DERA: variants seen among roughly 807,000 people sequenced by gnomAD.
The protein encoded by DERA is 2-deoxy-D-ribose 5-phosphate aldolase.
In DERA, 15 loss-of-function variants were observed where a neutral mutation model predicts 41.1. That is an observed-to-expected ratio of 0.37 (90% CI 0.24 to 0.56). The LOEUF (loss-of-function observed/expected upper bound fraction) is 0.56, where lower values mean the gene tolerates loss of function less well. DERA is among the 20% of genes least tolerant of loss of function. The pLI is 0.81. For synonymous variants in DERA, 139 were observed against 137.4 expected, an observed-to-expected ratio of 1.01 and a Z score of -0.08; for missense variants, 396 against 403.4, an observed-to-expected ratio of 0.98 and a Z score of 0.16.
intron 6 of DERA, among the ~76,000 whole-genome samples, chr12:16,022,536 C>T (rs1211137196): frequency 6.6e-6 from 1 of 152,140 alleles, no homozygotes; most frequent in African/African-American, 2.4e-5. Context: ...ACAATAAAGG[C>T]TTGGCTTGAT....
At position 15,996,120 on chromosome 12, in the gene DERA, A is replaced by G. The variant is rs1031323668; in HGVS notation, c.637+13684A>G. ...AATGTGATTCTATGCAGAAGAGAAA[A>G]TTATTTCATATGCAGACACAGACAC... On this transcript the variant is annotated intron_variant, in intron 6 of 8. Coordinates refer to ENST00000428559, the MANE Select transcript of DERA (RefSeq NM_015954.4). The surrounding 1 kb of genome is among the most constrained non-coding windows in gnomAD (Gnocchi z 4.7). Among the ~76,000 whole-genome samples, 1 of 151,212 alleles carries G rather than the reference A, an allele frequency of 6.6e-6. No individual in the cohort carries two copies. The highest frequency in any genetic ancestry group is 2.4e-5 in the African/African-American group (1 of 41,100).
rs112056048 is a variant in DERA, at chr12:15,994,614, T to C, written c.637+12178T>C. ...GACTACAGGCGCCTGCAACCACGCC[T>C]GGCTAATTTTTTGTATTTTTAGTAG... On this transcript the variant is annotated intron_variant, in intron 6 of 8. Transcript: ENST00000428559. The surrounding 1 kb of genome is among the most constrained non-coding windows in gnomAD (Gnocchi z 4.8). Among the ~76,000 whole-genome samples the C allele has an allele frequency of 0.13, 19,256 of 152,136 alleles. 1,742 individuals carry two copies. The highest frequency in any genetic ancestry group is 0.25 in the African/African-American group (10,520 of 41,464).
Position 16,011,308 on chromosome 12 carries a change from A to T in DERA, c.638-21234A>T, listed in dbSNP as rs1414496030. Among the ~76,000 whole-genome samples the T allele has an allele frequency of 1.3e-5, 2 of 152,184 alleles. No homozygotes were observed. The highest frequency in any genetic ancestry group is 1.3e-4 in the Admixed American group (2 of 15,268). ...TACCAAATCATATTTTACAGGTTGAATATCCCTTATCTTAAATGCTTGGAA... is the reference window on the plus strand; with the variant it reads ...TACCAAATCATATTTTACAGGTTGATTATCCCTTATCTTAAATGCTTGGAA... On this transcript the variant is annotated intron_variant, in intron 6 of 8. Coordinates refer to ENST00000428559, the MANE Select transcript of DERA (RefSeq NM_015954.4). This position sits in a 1 kb window ranked among gnomAD's most constrained non-coding sequence, Gnocchi z 4.7.
chr12:16,030,083 C>T (rs1031597271), intron 6 of DERA, among the ~76,000 whole-genome samples: 13 of 100,650 alleles, frequency 1.3e-4, no homozygotes, highest in South Asian at 5.1e-4. Flanking sequence ...CCACCATGCC[C>T]GGCTAATTTT....
intron 5 of DERA, among the ~76,000 whole-genome samples, chr12:15,977,872 CGT>C (rs1948709130): frequency 6.6e-6 from 1 of 152,144 alleles, no homozygotes; most frequent in Admixed American, 6.5e-5. Flanking sequence ...GCTTTGAAAA[CGT>C]AGGGGATTTC....
chr12:16,031,674 C>T (rs367996677), intron 6 of DERA, among the ~76,000 whole-genome samples: 9 of 152,222 alleles, frequency 5.9e-5, no homozygotes, highest in East Asian at 1.9e-4. Flanking sequence ...TTATTGGAGA[C>T]GCTGTGATGT....
At chr12:15,937,063 C>T (rs1249658463) in intron 1 of DERA, among the ~76,000 whole-genome samples, 1 of 152,088 alleles carries the variant, frequency 6.6e-6, no homozygotes, top group Non-Finnish European at 1.5e-5. Flanking sequence ...GCCTCAAGCT[C>T]CTGGGCTCAG....
chr12:15,920,416 C>T (rs980693518), intron 1 of DERA, among the ~76,000 whole-genome samples: 5 of 152,172 alleles, frequency 3.3e-5, no homozygotes, highest in Non-Finnish European at 5.9e-5. Context: ...TAGTCTAGCA[C>T]GTTGCGTTAC....
At chr12:15,978,546 G>T (rs953972694) in intron 5 of DERA, among the ~76,000 whole-genome samples, 4 of 152,116 alleles carry the variant, frequency 2.6e-5, no homozygotes, top group Non-Finnish European at 5.9e-5. Context: ...TAGAGAAATC[G>T]AATAATTCCT....
chr12:15,946,783 G>A (rs992682970), intron 1 of DERA, among the ~76,000 whole-genome samples: 16 of 152,076 alleles, frequency 1.1e-4, no homozygotes, highest in Non-Finnish European at 1.3e-4. Context: ...AAATGTGTTC[G>A]CTCTTGCTTC....
At chr12:15,948,051 A>G (rs996044223) in intron 1 of DERA, among the ~76,000 whole-genome samples, 2 of 152,242 alleles carry the variant, frequency 1.3e-5, no homozygotes, top group African/African-American at 4.8e-5. Flanking sequence ...TCAGGCTTGT[A>G]GAGTTTCTGC....
In DERA at chr12:15,959,756, A is replaced by G. The variant is rs1948568691; in HGVS notation, c.278-73A>G. ...TTGATTTTTGCCAGTGTTGCGATAT[A>G]AATAATAATTAAAAGCATGTTGTAT... On this transcript the variant is annotated intron_variant, in intron 3 of 8. Transcript: ENST00000428559. The surrounding 1 kb of genome is among the most constrained non-coding windows in gnomAD (Gnocchi z 4.5). 7 of 1,032,668 alleles carry G rather than the reference A, an allele frequency of 6.8e-6. No homozygotes were observed. Among genetic ancestry groups the G allele is most frequent in the African/African-American group, 3.2e-5 (2 of 62,836 alleles). 64.0% of individuals were successfully genotyped at this position (1,032,668 alleles called of 1,614,324 possible).
At chr12:15,942,936 A>C (rs994658977) in intron 1 of DERA, among the ~76,000 whole-genome samples, 1 of 152,240 alleles carries the variant, frequency 6.6e-6, no homozygotes, top group Non-Finnish European at 1.5e-5. Context: ...GTCTTGGGCA[A>C]CCCAGGATGA....
chr12:16,034,510 T>G (rs1293100372), intron 7 of DERA, among the ~76,000 whole-genome samples: 3 of 152,242 alleles, frequency 2.0e-5, no homozygotes, highest in Non-Finnish European at 4.4e-5. Context: ...TGTATTCATT[T>G]AATCATATTC....
intron 5 of DERA, among the ~76,000 whole-genome samples, chr12:15,974,603 G>T (rs897233683): frequency 4.6e-5 from 7 of 152,140 alleles, no homozygotes; most frequent in Middle Eastern, 6.8e-3. Flanking sequence ...TGGCAAAGAT[G>T]GTTTCTGCCA....
rs1034833948 is a variant in DERA at position 15,943,505 on chromosome 12, GA to G, written c.32-13425del. On this transcript the variant is annotated intron_variant, in intron 1 of 8. Transcript: ENST00000428559. This position sits in a 1 kb window ranked among gnomAD's most constrained non-coding sequence, Gnocchi z 4.5. ...TCACATGGGAAAACCTTTCTGTGCT[GA>G]AAAAAGTTCTCCTTAAGGACCTTTT... Among the ~76,000 whole-genome samples the G allele has an allele frequency of 2.6e-4, 40 of 151,958 alleles. No homozygotes were observed. Among genetic ancestry groups the G allele is most frequent in the Non-Finnish European group, 5.3e-4 (36 of 67,976 alleles).
intron 6 of DERA, among the ~76,000 whole-genome samples, chr12:16,023,613 G>T (rs1032397603): frequency 1.3e-5 from 2 of 150,024 alleles, no homozygotes; most frequent in Admixed American, 6.6e-5. Context: ...AAGTAGCTGG[G>T]ACTACAGGCG....
intron 1 of DERA, among the ~76,000 whole-genome samples, chr12:15,920,439 T>TGTCTCA (rs1246451618): frequency 1.3e-5 from 2 of 152,202 alleles, no homozygotes; most frequent in African/African-American, 2.4e-5. Flanking sequence ...TCTTTTCCAC[T>TGTCTCA]AGTTTACCAT....
intron 1 of DERA, among the ~76,000 whole-genome samples, chr12:15,923,091 C>T (rs1948256777): frequency 7.2e-6 from 1 of 138,066 alleles, no homozygotes; most frequent in African/African-American, 2.7e-5. Context: ...GGCGCGATCT[C>T]GGCTCACTGC....
Sources: gnomAD v4.1 joint callset for allele counts (sites outside exome capture counted in the v4.1 genomes callset) on GRCh38, gnomAD v4.1.1 for gene constraint, Gnocchi (gnomAD v3.1) non-coding constraint, MANE v1.5 for transcripts, NCBI Gene and HGNC (gene_info 2026-07-23, HGNC 2026-07-21) for gene names.